TPGS2: variants seen among roughly 807,000 people sequenced by gnomAD.
TPGS2 encodes the protein tubulin polyglutamylase complex subunit 2.
Under a neutral mutation model 31.1 loss-of-function variants are expected in TPGS2, and 26 were observed. The ratio of observed to expected loss-of-function variants is 0.84; its 90% CI spans 0.61 to 1.16. TPGS2 has a LOEUF of 1.16. TPGS2 is among the 50% of genes most tolerant of loss of function. The probability of loss-of-function intolerance (pLI) is 0.00; values close to 1 mark genes in which losing one functional copy is unlikely to be tolerated. For synonymous variants in TPGS2, 130 were observed against 136.6 expected, an observed-to-expected ratio of 0.95 and a Z score of 0.34; for missense variants, 351 against 363.8, an observed-to-expected ratio of 0.96 and a Z score of 0.29.
intron 1 of TPGS2, among the ~76,000 whole-genome samples, chr18:36,827,404 G>C (rs935703242): frequency 1.3e-5 from 2 of 152,222 alleles, no homozygotes; most frequent in African/African-American, 4.8e-5. Context: ...TTTGATCAGA[G>C]ATCTGAATGA....
chr18:36,794,508 G>C lies in TPGS2; in HGVS notation c.*2297C>G. On this transcript the variant is annotated 3_prime_UTR_variant, in exon 7 of 7. Transcript: ENST00000334295. The stretch of plus-strand genomic sequence containing the variant: ...ATGCTGTGATTCGGGGGATCTCCAA[G>C]TACTAAAAAAGGGGTATCTGCTGCA... 4 of 985,384 alleles carry C rather than the reference G, an allele frequency of 4.1e-6. No individual in the cohort carries two copies. Among genetic ancestry groups the C allele is most frequent in the Non-Finnish European group, 4.8e-6 (4 of 829,944 alleles). The allele number at this position is 985,384 out of a possible 1,614,324, so 61.0% of individuals were successfully genotyped here. A position where few individuals can be genotyped will look rare whatever the true frequency, so the allele number is the denominator to read the frequency against.
intron 4 of TPGS2, among the ~76,000 whole-genome samples, chr18:36,805,012 C>A (rs746455569): frequency 2.0e-5 from 3 of 152,148 alleles, no homozygotes; most frequent in Non-Finnish European, 1.5e-5. Context: ...CAGCCTAGTT[C>A]CAGATTTCTT....
In TPGS2 at chr18:36,796,006, G is replaced by A; in HGVS notation, c.*799C>T. 1 of 985,426 alleles carries A rather than the reference G, an allele frequency of 1.0e-6. No homozygotes were observed. 61.0% of individuals were successfully genotyped at this position (985,426 alleles called of 1,614,324 possible). ...CCTTCTTTAAAAAGTTAATAAGGAA[G>A]ATAATTGTGGAACGTGTACAAACAT... On this transcript the variant is annotated 3_prime_UTR_variant, in exon 7 of 7. Coordinates refer to ENST00000334295, the MANE Select transcript of TPGS2 (RefSeq NM_015476.4).
intron 6 of TPGS2, chr18:36,786,888 T>G: frequency 2.4e-6 from 3 of 1,234,346 alleles, no homozygotes; most frequent in Non-Finnish European, 3.0e-6. Flanking sequence ...ATTGCGACAC[T>G]GTTGTTCCCA....
At chr18:36,780,518 C>T (rs774343683), downstream of TPGS2, among the ~76,000 whole-genome samples, 2 of 152,180 alleles carry the variant, frequency 1.3e-5, no homozygotes, top group Non-Finnish European at 2.9e-5. Flanking sequence ...TATAGTCATG[C>T]ATCACGTAAT....
downstream of TPGS2, chr18:36,782,862 G>A: frequency 2.6e-6 from 1 of 380,444 alleles, no homozygotes; most frequent in Non-Finnish European, 4.6e-6. Context: ...CCAGTAACAT[G>A]GGAGGAACAT....
At position 36,828,784 on chromosome 18, in the gene TPGS2, TCG is replaced by T; in HGVS notation, c.-19_-18del. 1 of 1,611,944 alleles carries T rather than the reference TCG, an allele frequency of 6.2e-7. No homozygotes were observed. Among genetic ancestry groups the T allele is most frequent in the Non-Finnish European group, 8.5e-7 (1 of 1,179,318 alleles). The stretch of plus-strand genomic sequence containing the variant: ...CTCCTCCATGGCTCGCGACCGCGAT[TCG>T]CGCGCGGCGGGAGCGGGTGGAGGGC... On this transcript the variant is annotated 5_prime_UTR_variant, in exon 1 of 7. Coordinates refer to ENST00000334295, the MANE Select transcript of TPGS2 (RefSeq NM_015476.4).
At chr18:36,826,364 C>T (rs1568036628) in intron 1 of TPGS2, among the ~76,000 whole-genome samples, 1 of 149,638 alleles carries the variant, frequency 6.7e-6, no homozygotes, top group Non-Finnish European at 1.5e-5. Context: ...TTGAATTGTT[C>T]TTAGTTTTAT....
chr18:36,798,152 A>G, intron 6 of TPGS2: 1 of 1,190,566 alleles, frequency 8.4e-7, no homozygotes, highest in Non-Finnish European at 1.0e-6. Flanking sequence ...TCCTGGGTGC[A>G]TGTACTGCCA....
At position 36,794,791 on chromosome 18, in the gene TPGS2, A is replaced by AATG. The variant is rs1023953865; in HGVS notation, c.*2011_*2013dup. ...TAACCTAAACAACTAAAAGGGCCAA[A>AATG]ATGTCTCCTAGAGAATATGTGACAG... On this transcript the variant is annotated 3_prime_UTR_variant, in exon 7 of 7. Coordinates refer to ENST00000334295, the MANE Select transcript of TPGS2 (RefSeq NM_015476.4). 3.0e-6 allele frequency: 3 copies of AATG among 984,802 alleles called. No individual in the cohort carries two copies. The highest frequency in any genetic ancestry group is 3.6e-6 in the Non-Finnish European group (3 of 829,944). The allele number at this position is 984,802 out of a possible 1,614,324, so 61.0% of individuals were successfully genotyped here.
At chr18:36,825,996 T>A (rs746663150) in intron 1 of TPGS2, among the ~76,000 whole-genome samples, 1 of 152,236 alleles carries the variant, frequency 6.6e-6, no homozygotes, top group Non-Finnish European at 1.5e-5. Context: ...TAATTTTCAG[T>A]ACATAAGTCA....
At chr18:36,819,731 T>G (rs11662292) in intron 1 of TPGS2, among the ~76,000 whole-genome samples, 18,443 of 152,234 alleles carry the variant, frequency 0.12, 1,388 homozygotes, top group Admixed American at 0.17. Context: ...CTGTTATGAC[T>G]TGAATTCTGT....
chr18:36,828,987 G>C lies in TPGS2; in HGVS notation c.-220C>G, dbSNP rs2046340681. 1 of 1,092,616 alleles carries C rather than the reference G, an allele frequency of 9.2e-7. No individual in the cohort carries two copies. The highest frequency in any genetic ancestry group is 3.5e-5 in the Admixed American group (1 of 28,754). The allele number at this position is 1,092,616 out of a possible 1,614,324, so 67.7% of individuals were successfully genotyped here. On this transcript the variant is annotated 5_prime_UTR_variant, in exon 1 of 7. Coordinates refer to ENST00000334295, the MANE Select transcript of TPGS2 (RefSeq NM_015476.4). ...GTGCCCCACACCGCACCTCCGGGACGTAGCTTCCCCTTCGCCCCCACCCTC... is the reference window on the plus strand; with the variant it reads ...GTGCCCCACACCGCACCTCCGGGACCTAGCTTCCCCTTCGCCCCCACCCTC...
intron 3 of TPGS2, chr18:36,806,203 T>TAGAAAAGGCAGC (rs2045124383): frequency 6.6e-6 from 1 of 152,262 alleles, no homozygotes; most frequent in Non-Finnish European, 1.5e-5. Flanking sequence ...TGCTGCCTTT[T>TAGAAAAGGCAGC]CTGTCTCTGA....
intron 1 of TPGS2, among the ~76,000 whole-genome samples, chr18:36,823,345 C>G (rs1242974624): frequency 6.6e-6 from 1 of 152,178 alleles, no homozygotes; most frequent in East Asian, 1.9e-4. Flanking sequence ...CCACTCTCGG[C>G]TTGCAGAGGC....
chr18:36,791,960 C>T (rs1030669456), downstream of TPGS2, among the ~76,000 whole-genome samples: 2 of 147,448 alleles, frequency 1.4e-5, no homozygotes, highest in Admixed American at 6.9e-5. Flanking sequence ...CCCAGGAAGT[C>T]AAGGCTGCAG....
intron 4 of TPGS2, among the ~76,000 whole-genome samples, chr18:36,802,209 T>G (rs989526357): frequency 6.6e-6 from 1 of 152,198 alleles, no homozygotes; most frequent in Non-Finnish European, 1.5e-5. Flanking sequence ...TTGGATGAAA[T>G]AAAAAGTCCA....
intron 6 of TPGS2, chr18:36,787,067 T>C: frequency 8.1e-7 from 1 of 1,232,972 alleles, no homozygotes; most frequent in Non-Finnish European, 1.0e-6. Context: ...TTCATTTTGA[T>C]ATTATAAGTT....
At chr18:36,785,236 T>C (rs959603636) in intron 6 of TPGS2, among the ~76,000 whole-genome samples, 2 of 152,082 alleles carry the variant, frequency 1.3e-5, no homozygotes, top group African/African-American at 4.8e-5. Flanking sequence ...GAGGCAGAGG[T>C]TGCAGTGAGC....
Sources: gnomAD v4.1 joint callset for allele counts (sites outside exome capture counted in the v4.1 genomes callset) on GRCh38, gnomAD v4.1.1 for gene constraint, MANE v1.5 for transcripts, NCBI Gene and HGNC (gene_info 2026-07-23, HGNC 2026-07-21) for gene names.